Variants in SMYD3 observed in about 807,000 individuals in gnomAD.
SMYD3 encodes the protein histone-lysine N-methyltransferase SMYD3.
A neutral mutation model predicts 57.7 loss-of-function variants in SMYD3; 36 were observed. The ratio of observed to expected loss-of-function variants is 0.62; its 90% CI spans 0.48 to 0.82. The LOEUF is 0.82. SMYD3 is among the 40% of genes least tolerant of loss of function. The pLI, the probability that SMYD3 is intolerant of heterozygous loss-of-function variation, is 0.00. For synonymous variants in SMYD3, 211 were observed against 195.0 expected, an observed-to-expected ratio of 1.08 and a Z score of -0.68; for missense variants, 515 against 538.8, an observed-to-expected ratio of 0.96 and a Z score of 0.44.
intron 10 of SMYD3, among the ~76,000 whole-genome samples, chr1:245,821,688 A>C (rs2049170842): frequency 6.6e-6 from 1 of 151,218 alleles, no homozygotes; most frequent in Non-Finnish European, 1.5e-5. Flanking sequence ...ATGAACTCAA[A>C]CAAATTTACA....
intron 5 of SMYD3, among the ~76,000 whole-genome samples, chr1:246,155,447 A>G (rs561193425): frequency 6.6e-6 from 1 of 152,358 alleles, no homozygotes; most frequent in African/African-American, 2.4e-5. Flanking sequence ...AAAGAAAAAT[A>G]TAAAATTTCA....
At chr1:246,424,152 A>G (rs1314433260) in intron 1 of SMYD3, among the ~76,000 whole-genome samples, 3 of 152,224 alleles carry the variant, frequency 2.0e-5, no homozygotes, top group Non-Finnish European at 4.4e-5. Context: ...CGTGGGGTTT[A>G]TAACACGTAC....
At chr1:246,475,204 C>T (rs1006685661) in intron 1 of SMYD3, among the ~76,000 whole-genome samples, 3 of 151,782 alleles carry the variant, frequency 2.0e-5, no homozygotes, top group Admixed American at 6.6e-5. Context: ...TGGTGGCAGG[C>T]GCCTGTAATC....
chr1:246,324,333 T>C (rs2065301965), intron 5 of SMYD3, among the ~76,000 whole-genome samples: 1 of 149,334 alleles, frequency 6.7e-6, no homozygotes, highest in African/African-American at 2.5e-5. Context: ...CAGAATCGCT[T>C]GAACCCGGGA....
intron 5 of SMYD3, among the ~76,000 whole-genome samples, chr1:246,216,943 T>C (rs2063174400): frequency 6.6e-6 from 1 of 152,130 alleles, no homozygotes; most frequent in Non-Finnish European, 1.5e-5. Flanking sequence ...ACCAAACTCC[T>C]GAACAGACCT....
chr1:245,995,410 G>A (rs1198073146), intron 5 of SMYD3, among the ~76,000 whole-genome samples: 1 of 152,224 alleles, frequency 6.6e-6, no homozygotes, highest in Non-Finnish European at 1.5e-5. Context: ...GAGAAATGGA[G>A]AACAGTAACA....
intron 5 of SMYD3, among the ~76,000 whole-genome samples, chr1:246,056,548 A>G (rs968045284): frequency 7.2e-5 from 11 of 152,010 alleles, no homozygotes; most frequent in Admixed American, 5.9e-4. Context: ...TGCATTGTAA[A>G]AATGTTCTCC....
intron 11 of SMYD3, among the ~76,000 whole-genome samples, chr1:245,758,600 T>C (rs180927918): frequency 5.3e-5 from 8 of 152,322 alleles, no homozygotes; most frequent in Admixed American, 1.3e-4. Context: ...CATTCTGTTG[T>C]GGAGCTCCCT....
intron 5 of SMYD3, among the ~76,000 whole-genome samples, chr1:246,120,252 G>A (rs1231622367): frequency 2.6e-5 from 4 of 152,154 alleles, no homozygotes; most frequent in Admixed American, 2.0e-4. Flanking sequence ...TAGAAGATAA[G>A]AGCGACCTTC....
intron 5 of SMYD3, among the ~76,000 whole-genome samples, chr1:246,302,084 C>G (rs943845662): frequency 6.6e-6 from 1 of 152,156 alleles, no homozygotes; most frequent in Admixed American, 6.6e-5. Flanking sequence ...GAGTGCATAC[C>G]TGCCCCAAGC....
intron 5 of SMYD3, among the ~76,000 whole-genome samples, chr1:245,983,064 T>A (rs2058632187): frequency 6.6e-6 from 1 of 152,224 alleles, no homozygotes; most frequent in Non-Finnish European, 1.5e-5. Flanking sequence ...TGCATGATGG[T>A]AGATGACTTC....
intron 5 of SMYD3, among the ~76,000 whole-genome samples, chr1:246,266,726 G>C (rs2064115146): frequency 6.6e-6 from 1 of 152,038 alleles, no homozygotes; most frequent in African/African-American, 2.4e-5. Context: ...GGACCCGGGA[G>C]GTGGAGGTTG....
intron 10 of SMYD3, among the ~76,000 whole-genome samples, chr1:245,833,073 A>AAAAAAAAAAAAAAAAAAAAAACCACAAC: frequency 3.1e-5 from 4 of 128,652 alleles, no homozygotes; most frequent in Non-Finnish European, 6.3e-5. Context: ...AAAAAAAAAA[A>AAAAAAAAAAAAAAAAAAAAAACCACAAC]AACCTGCTTT....
chr1:246,000,652 G>T (rs2148147226), intron 5 of SMYD3, among the ~76,000 whole-genome samples: 1 of 152,206 alleles, frequency 6.6e-6, no homozygotes, highest in East Asian at 1.9e-4. Flanking sequence ...CTTTTATTTT[G>T]CATCATGGCC....
intron 7 of SMYD3, among the ~76,000 whole-genome samples, chr1:245,921,971 CT>C (rs1338740375): frequency 2.0e-5 from 3 of 152,156 alleles, no homozygotes; most frequent in Middle Eastern, 6.8e-3. Context: ...CATGTGCCCC[CT>C]GAATCTAAAA....
intron 2 of SMYD3, among the ~76,000 whole-genome samples, chr1:246,339,781 T>C (rs115220580): frequency 0.026 from 3,942 of 152,304 alleles, 78 homozygotes; most frequent in Non-Finnish European, 0.04. Flanking sequence ...CATGTCACTA[T>C]TGCAACAGTG....
intron 1 of SMYD3, among the ~76,000 whole-genome samples, chr1:246,403,599 T>C (rs2066810689): frequency 1.3e-5 from 2 of 152,140 alleles, no homozygotes; most frequent in South Asian, 4.1e-4. Context: ...CTTCTAACAG[T>C]AGTATAAGAG....
intron 10 of SMYD3, among the ~76,000 whole-genome samples, chr1:245,839,907 A>G (rs768387328): frequency 6.6e-6 from 1 of 152,180 alleles, no homozygotes; most frequent in Non-Finnish European, 1.5e-5. Context: ...CAAAATAAGA[A>G]TAGGGAGCCA....
intron 10 of SMYD3, among the ~76,000 whole-genome samples, chr1:245,847,732 A>C (rs2050737132): frequency 6.6e-6 from 1 of 152,224 alleles, no homozygotes; most frequent in Non-Finnish European, 1.5e-5. Flanking sequence ...CCTGCTGCTT[A>C]GAGTACAATT....
Sources: gnomAD v4.1 joint callset for allele counts (sites outside exome capture counted in the v4.1 genomes callset) on GRCh38, gnomAD v4.1.1 for gene constraint, MANE v1.5 for transcripts, NCBI Gene and HGNC (gene_info 2026-07-23, HGNC 2026-07-21) for gene names.